The following GRIK2 variants were observed in gnomAD, a reference collection of about 807,000 sequenced individuals.
GRIK2 encodes glutamate ionotropic receptor kainate type subunit 2.
Under a neutral mutation model 100.3 loss-of-function variants are expected in GRIK2, and 32 were observed. That is an observed-to-expected ratio of 0.32 (90% CI 0.24 to 0.43). GRIK2 has a LOEUF of 0.43. Among genes scored for constraint, GRIK2 ranks in the 20% least tolerant of loss-of-function variants. The pLI, the probability that GRIK2 is intolerant of heterozygous loss-of-function variation, is 1.00. For missense variants in GRIK2, 843 were observed against 1,114.9 expected, an observed-to-expected ratio of 0.76 and a Z score of 3.47; for synonymous variants, 417 against 389.4, an observed-to-expected ratio of 1.07 and a Z score of -0.83.
At chr6:101,889,122 C>T (rs1450832528) in intron 11 of GRIK2, among the ~76,000 whole-genome samples, 1 of 151,960 alleles carries the variant, frequency 6.6e-6, no homozygotes, top group Non-Finnish European at 1.5e-5. Context: ...AGAGATGTTT[C>T]AAACAATATT....
At chr6:101,613,508 A>G (rs1402364119) in intron 2 of GRIK2, among the ~76,000 whole-genome samples, 1 of 151,864 alleles carries the variant, frequency 6.6e-6, no homozygotes, top group African/African-American at 2.4e-5. Flanking sequence ...TAATTAGAAA[A>G]TTAGACCAAC....
Position 101,882,965 on chromosome 6 carries a change from A to C in GRIK2, c.1525-6675A>C, listed in dbSNP as rs112201925. Reference sequence around the variant, plus strand: ...TTTTAGCAGTTATTGACTATTATTTATCATAGCAAAAATTAAAAATCATGC... The same window carrying C: ...TTTTAGCAGTTATTGACTATTATTTCTCATAGCAAAAATTAAAAATCATGC... On this transcript the variant is annotated intron_variant, in intron 11 of 16. Transcript: ENST00000369134. 3.0e-4 allele frequency among the ~76,000 whole-genome samples: 45 copies of C among 152,200 alleles called. 1 individual carries two copies. The highest frequency in any genetic ancestry group is 1.0e-3 in the African/African-American group (42 of 41,542).
chr6:101,883,578 A>G (rs1235481232), intron 11 of GRIK2, among the ~76,000 whole-genome samples: 1 of 152,138 alleles, frequency 6.6e-6, no homozygotes, highest in East Asian at 1.9e-4. Flanking sequence ...ATAAAGAGTG[A>G]TAGAATGAGT....
chr6:101,944,054 C>T (rs760370278), intron 14 of GRIK2, among the ~76,000 whole-genome samples: 5 of 151,952 alleles, frequency 3.3e-5, no homozygotes, highest in East Asian at 1.9e-4. Flanking sequence ...GGTTTAGCAC[C>T]GTCCTCCCAA....
chr6:101,621,929 T>A lies in GRIK2; in HGVS notation c.116-20T>A, dbSNP rs768213408. ...GTTTATTCTTGTAAAATTTATGATT[T>A]TTCTCTTTCTTTTTGCCAGGTGGTA... On this transcript the variant is annotated intron_variant, in intron 2 of 16. Transcript: ENST00000369134. 1.9e-6 allele frequency: 3 copies of A among 1,551,728 alleles called. No homozygotes were observed. The East Asian group carries it at 6.8e-5, about 35-fold the overall frequency.
At chr6:102,028,188 T>C (rs1461869603) in intron 14 of GRIK2, among the ~76,000 whole-genome samples, 4 of 151,236 alleles carry the variant, frequency 2.6e-5, no homozygotes, top group African/African-American at 9.7e-5. Flanking sequence ...TTTTAAATAT[T>C]TACATTGTAT....
chr6:101,823,667 A>G (rs1229501403), intron 10 of GRIK2, among the ~76,000 whole-genome samples: 3 of 152,168 alleles, frequency 2.0e-5, no homozygotes, highest in African/African-American at 7.2e-5. Flanking sequence ...AATAACAAAA[A>G]TACAATTTTT....
At chr6:101,928,179 G>T (rs1420459169) in intron 13 of GRIK2, 2 of 518,486 alleles carry the variant, frequency 3.9e-6, no homozygotes, top group Non-Finnish European at 6.9e-6. Context: ...ATCATCTCAG[G>T]TAGAACATGA....
At chr6:101,742,191 C>G (rs1776076662) in intron 7 of GRIK2, among the ~76,000 whole-genome samples, 1 of 152,150 alleles carries the variant, frequency 6.6e-6, no homozygotes, top group African/African-American at 2.4e-5. Flanking sequence ...TGACAGTGAA[C>G]CAGGCCTGGT....
intron 4 of GRIK2, among the ~76,000 whole-genome samples, chr6:101,664,168 A>G (rs1769840318): frequency 6.6e-6 from 1 of 152,232 alleles, no homozygotes; most frequent in African/African-American, 2.4e-5. Context: ...CATATTACCA[A>G]GATAGTCCTG....
intron 3 of GRIK2, among the ~76,000 whole-genome samples, chr6:101,623,809 A>G (rs1780297430): frequency 6.6e-6 from 1 of 152,146 alleles, no homozygotes; most frequent in Non-Finnish European, 1.5e-5. Flanking sequence ...TGTATGAATA[A>G]CTGTCTTTGT....
At chr6:101,575,084 A>G (rs1777732871) in intron 2 of GRIK2, among the ~76,000 whole-genome samples, 1 of 151,774 alleles carries the variant, frequency 6.6e-6, no homozygotes, top group Non-Finnish European at 1.5e-5. Flanking sequence ...TTCATATTTT[A>G]GAATAATTTT....
At chr6:101,656,929 G>A (rs975118466) in intron 4 of GRIK2, among the ~76,000 whole-genome samples, 5 of 152,150 alleles carry the variant, frequency 3.3e-5, no homozygotes, top group Admixed American at 6.5e-5. Context: ...CAAAGACTAA[G>A]TACTATATTT....
intron 11 of GRIK2, among the ~76,000 whole-genome samples, chr6:101,883,756 G>GT (rs1786427422): frequency 6.6e-6 from 1 of 152,088 alleles, no homozygotes; most frequent in South Asian, 2.1e-4. Context: ...AATAGCAAGC[G>GT]TAAGGCCTGG....
chr6:101,697,087 C>G (rs540392532), intron 7 of GRIK2, among the ~76,000 whole-genome samples: 1 of 151,992 alleles, frequency 6.6e-6, no homozygotes, highest in South Asian at 2.1e-4. Flanking sequence ...GAGCCTCACT[C>G]GTCAAATAGA....
At chr6:101,910,961 C>A (rs979115230) in intron 12 of GRIK2, among the ~76,000 whole-genome samples, 1 of 151,088 alleles carries the variant, frequency 6.6e-6, no homozygotes, top group African/African-American at 2.4e-5. Flanking sequence ...TTTTACCCTT[C>A]AGTGGATTTA....
chr6:101,592,951 G>A lies in GRIK2; in HGVS notation c.116-28998G>A, dbSNP rs540214925. ...AAATGAGCCACATTAATTATTTGCT[G>A]GAACAAATAAAAACAAATTACCAGA... is the stretch of plus-strand genomic sequence containing the variant. On this transcript the variant is annotated intron_variant, in intron 2 of 16. Coordinates refer to ENST00000369134, the MANE Select transcript of GRIK2 (RefSeq NM_021956.5). 4.6e-5 allele frequency among the ~76,000 whole-genome samples: 7 copies of A among 151,812 alleles called. No individual in the cohort carries two copies. In the South Asian group the frequency reaches 1.0e-3, roughly 23 times the overall value.
intron 7 of GRIK2, among the ~76,000 whole-genome samples, chr6:101,754,652 G>A (rs1777012649): frequency 6.6e-6 from 1 of 152,228 alleles, no homozygotes; most frequent in Non-Finnish European, 1.5e-5. Flanking sequence ...AGTGCTATGT[G>A]AAGGAGGACA....
intron 2 of GRIK2, among the ~76,000 whole-genome samples, chr6:101,469,276 A>G (rs1771818414): frequency 6.6e-6 from 1 of 152,162 alleles, no homozygotes; most frequent in Non-Finnish European, 1.5e-5. Flanking sequence ...TAAAACATGC[A>G]AATGAAAAAA....
Sources: allele counts gnomAD v4.1 joint callset (sites outside exome capture counted in the v4.1 genomes callset), GRCh38; gene constraint gnomAD v4.1.1; transcripts MANE v1.5; gene names NCBI Gene and HGNC (gene_info 2026-07-23, HGNC 2026-07-21).